The following JHY variants were observed in gnomAD, a reference collection of about 807,000 sequenced individuals.
The protein encoded by JHY is jhy protein homolog.
Under a neutral mutation model 78.0 loss-of-function variants are expected in JHY, and 69 were observed. That is an observed-to-expected ratio of 0.88 (90% CI 0.73 to 1.08). The LOEUF (loss-of-function observed/expected upper bound fraction) is 1.08, where lower values mean the gene tolerates loss of function less well. Ranked by LOEUF, JHY falls within the 50% of genes least tolerant of loss-of-function variation. The probability of loss-of-function intolerance (pLI) is 0.00; values close to 1 mark genes in which losing one functional copy is unlikely to be tolerated. For synonymous variants in JHY, 368 were observed against 342.6 expected (o/e 1.07, Z -0.82); for missense variants, 944 against 927.8 (o/e 1.02, Z -0.23).
rs996350917 is a variant in JHY, at chr11:122,898,333, C to T, written c.345-5592C>T. ...TCACTGTCACCTATGGGAATAGCTGCAGGGTACAATGCAACATGATGTGCA... is the reference window on the plus strand; with the variant it reads ...TCACTGTCACCTATGGGAATAGCTGTAGGGTACAATGCAACATGATGTGCA... On this transcript the variant is annotated intron_variant, in intron 2 of 8. Transcript: ENST00000227349. The surrounding 1 kb of genome is among the most constrained non-coding windows in gnomAD (Gnocchi z 4.4). Among the ~76,000 whole-genome samples, 1 of 152,194 alleles carries T rather than the reference C, an allele frequency of 6.6e-6. No individual in the cohort carries two copies. Among genetic ancestry groups the T allele is most frequent in the Non-Finnish European group, 1.5e-5 (1 of 68,030 alleles).
intron 5 of JHY, among the ~76,000 whole-genome samples, chr11:122,939,133 G>A (rs1002519400): frequency 4.6e-5 from 7 of 151,814 alleles, no homozygotes; most frequent in South Asian, 2.1e-4. Context: ...GACTACAGAC[G>A]CCCATCACCA....
rs776473304 is a variant in JHY at position 122,904,183 on chromosome 11, G to A, written c.603G>A (p.Glu201=). The change falls in exon 3 of 9, where the codon GAG becomes GAA. Residue 201 remains glutamate, a synonymous_variant. Transcript: ENST00000227349. ...LGSEFLSPNY[E]HGARRSKPFS... ...GTGAATTTTTAAGCCCAAACTATGA[G>A]CATGGTGCCCGTCGCAGCAAGCCGT... 3.1e-6 allele frequency: 5 copies of A among 1,614,192 alleles called. No homozygotes were observed. The highest frequency in any genetic ancestry group is 1.1e-5 in the South Asian group (1 of 91,084).
chr11:122,904,056 C>T lies in JHY; in HGVS notation c.476C>T (p.Pro159Leu), dbSNP rs572602801. The T allele has an allele frequency of 6.2e-7, 1 of 1,614,122 alleles. No individual in the cohort carries two copies. Among genetic ancestry groups the T allele is most frequent in the African/African-American group, 1.3e-5 (1 of 75,040 alleles). ...ESTDSSLENL[P>L]LAPLYPSQET... is the part of the protein sequence containing the mutation. The stretch of plus-strand genomic sequence containing the variant: ...ACGGACAGCTCTTTAGAAAATCTGC[C>T]TTTGGCTCCCCTCTACCCTTCCCAG... The change falls in exon 3 of 9, where the codon CCT (proline) becomes CTT (leucine). Residue 159 changes from proline (P) to leucine (L), a missense_variant. Physicochemically the swap from Pro to Leu is moderately conservative, Grantham distance 98. Transcript: ENST00000227349.
rs576990527 is a variant in JHY, at chr11:122,893,999, TTAATGC to T, written c.344+7808_344+7813del. Among the ~76,000 whole-genome samples the T allele has an allele frequency of 2.9e-3, 443 of 152,254 alleles. 2 individuals carry two copies. The highest frequency in any genetic ancestry group is 2.7e-3 in the Non-Finnish European group (186 of 68,014). On this transcript the variant is annotated intron_variant, in intron 2 of 8. Coordinates refer to ENST00000227349, the MANE Select transcript of JHY (RefSeq NM_024806.4). ...ATGATATCACAGCTGCCTTACAATTTTAATGCTGCTAAATCTGGCACTTAAAATATA... is the reference window on the plus strand; with the variant it reads ...ATGATATCACAGCTGCCTTACAATTTTGCTAAATCTGGCACTTAAAATATA...
At position 122,886,050 on chromosome 11, in the gene JHY, C is replaced by T. The variant is rs181044357; in HGVS notation, c.201C>T (p.Asn67=). The T allele has an allele frequency of 4.3e-6, 7 of 1,614,070 alleles. No homozygotes were observed. The Admixed American group carries it at 1.0e-4, about 23-fold the overall frequency. The part of the protein sequence containing the change: ...HSEFDDRIRG[N]GMEPDSLDEE... ...AGTTTGATGATCGAATCCGGGGCAA[C>T]GGTATGGAGCCCGACAGCTTAGACG... Residue 67 remains asparagine (N), a synonymous_variant, in exon 2 of 9, where the codon AAC becomes AAT. Coordinates refer to ENST00000227349, the MANE Select transcript of JHY (RefSeq NM_024806.4).
chr11:122,906,260 T>C (rs1862990552), intron 3 of JHY, among the ~76,000 whole-genome samples: 1 of 152,182 alleles, frequency 6.6e-6, no homozygotes, highest in Non-Finnish European at 1.5e-5. Context: ...CGATCATAGC[T>C]CACTATAACC....
At chr11:122,893,572 C>T (rs1452091765) in intron 2 of JHY, among the ~76,000 whole-genome samples, 1 of 152,068 alleles carries the variant, frequency 6.6e-6, no homozygotes, top group Non-Finnish European at 1.5e-5. Flanking sequence ...TTTAAATGAC[C>T]TACAACGCTG....
chr11:122,921,385 A>G (rs1863362023), intron 3 of JHY, among the ~76,000 whole-genome samples: 1 of 152,220 alleles, frequency 6.6e-6, no homozygotes, highest in South Asian at 2.1e-4. Context: ...AGATCTATGA[A>G]AGAGTTCAAC....
intron 2 of JHY, among the ~76,000 whole-genome samples, chr11:122,901,830 G>A (rs190794564): frequency 3.0e-4 from 45 of 150,688 alleles, no homozygotes; most frequent in African/African-American, 9.3e-4. Flanking sequence ...CCAAGATAGC[G>A]CCACTGCACT....
Position 122,959,605 on chromosome 11 carries a change from GGA to G in JHY, c.*161_*162del, listed in dbSNP as rs1864269322. The G allele has an allele frequency of 1.6e-6, 1 of 641,760 alleles. No homozygotes were observed. Among genetic ancestry groups the G allele is most frequent in the Non-Finnish European group, 2.6e-6 (1 of 391,668 alleles). The allele number at this position is 641,760 out of a possible 1,614,324, so 39.8% of individuals were successfully genotyped here. ...AGGATTTAAAATATGAGGCCCAATT[GGA>G]TTATGGTGCCATATTTTACTTTCTA... On this transcript the variant is annotated 3_prime_UTR_variant, in exon 9 of 9. Transcript: ENST00000227349.
At position 122,946,584 on chromosome 11, in the gene JHY, C is replaced by A. The variant is rs778781042; in HGVS notation, c.1721C>A (p.Ala574Asp). The A allele has an allele frequency of 1.9e-6, 3 of 1,613,872 alleles. No homozygotes were observed. The African/African-American group carries it at 4.0e-5, about 22-fold the overall frequency. The change falls in exon 6 of 9, where the codon GCC (alanine) becomes GAC (aspartate). Residue 574 changes from alanine to aspartate, a missense_variant. Transcript: ENST00000227349. ...LTQIMEQHQQ[A>D]LVQLTDVQPS... ...CAGATAATGGAGCAGCATCAGCAAG[C>A]CTTGGTGCAGCTGACCGACGTGCAG...
intron 1 of JHY, among the ~76,000 whole-genome samples, chr11:122,885,556 G>A (rs956530636): frequency 5.9e-5 from 9 of 152,304 alleles, no homozygotes; most frequent in African/African-American, 1.7e-4. Flanking sequence ...TACTCAGGCT[G>A]CTTATGAGCG....
chr11:122,904,236 A>G lies in JHY; in HGVS notation c.656A>G (p.Glu219Gly), dbSNP rs1438011491. 1.2e-6 allele frequency: 2 copies of G among 1,612,890 alleles called. No individual in the cohort carries two copies. Among genetic ancestry groups the G allele is most frequent in the Non-Finnish European group, 8.5e-7 (1 of 1,179,426 alleles). ...PFSELSDSDLEEKSSSLSPYV... is the reference protein window; with the variant it reads ...PFSELSDSDLGEKSSSLSPYV... ...TCAGAGCTGAGCGACAGTGACCTGG[A>G]GGAGAAGTCGAGCAGCCTTTCTCCG... The change falls in exon 3 of 9, where the codon GAG (glutamate) becomes GGG (glycine). Residue 219 changes from glutamate (E) to glycine (G), a missense_variant. By Grantham distance (98) the Glu-to-Gly change is moderately conservative. Transcript: ENST00000227349.
intron 4 of JHY, chr11:122,927,246 G>C (rs751462899): frequency 6.6e-6 from 1 of 152,208 alleles, no homozygotes; most frequent in Non-Finnish European, 1.5e-5. Context: ...GACAGAAGCA[G>C]TAAAACTTTT....
intron 3 of JHY, among the ~76,000 whole-genome samples, chr11:122,909,268 G>A (rs754258435): frequency 2.6e-5 from 4 of 152,190 alleles, no homozygotes; most frequent in Non-Finnish European, 4.4e-5. Context: ...GAATAAATTA[G>A]TATAACCAGT....
intron 2 of JHY, among the ~76,000 whole-genome samples, chr11:122,889,769 T>C (rs976716708): frequency 6.6e-6 from 1 of 152,178 alleles, no homozygotes; most frequent in Non-Finnish European, 1.5e-5. Context: ...GTTTGTTTGT[T>C]TGTTTTGGAG....
rs775966633 is a variant in JHY at position 122,934,942 on chromosome 11, A to C, written c.1501A>C (p.Lys501Gln). 1 of 1,614,046 alleles carries C rather than the reference A, an allele frequency of 6.2e-7. No individual in the cohort carries two copies. Among genetic ancestry groups the C allele is most frequent in the South Asian group, 1.1e-5 (1 of 91,082 alleles). ...TTTGAACAACCTTAATGAACTTTCT[A>C]AGAGACACGTGCTCCTGAGCCAGAA... is the stretch of plus-strand genomic sequence containing the variant. ...MDLNNLNELS[K>Q]RHVLLSQKGS... Residue 501 changes from lysine to glutamine, a missense_variant, in exon 5 of 9, where the codon AAG (lysine) becomes CAG (glutamine). Coordinates refer to ENST00000227349, the MANE Select transcript of JHY (RefSeq NM_024806.4).
At chr11:122,930,449 G>A (rs1863614187) in intron 4 of JHY, among the ~76,000 whole-genome samples, 1 of 152,170 alleles carries the variant, frequency 6.6e-6, no homozygotes, top group Non-Finnish European at 1.5e-5. Flanking sequence ...TCATAGGAGA[G>A]ACTTAAATAC....
At chr11:122,933,432 T>C (rs1467497536) in intron 4 of JHY, among the ~76,000 whole-genome samples, 2 of 152,390 alleles carry the variant, frequency 1.3e-5, no homozygotes, top group African/African-American at 4.8e-5. Context: ...CACGAAGTAA[T>C]GAGTGCTTTA....
Sources: gnomAD v4.1 joint callset for allele counts (sites outside exome capture counted in the v4.1 genomes callset) on GRCh38, gnomAD v4.1.1 for gene constraint, Gnocchi (gnomAD v3.1) non-coding constraint, MANE v1.5 for transcripts, NCBI Gene and HGNC (gene_info 2026-07-23, HGNC 2026-07-21) for gene names.